Variants in ALK observed in about 807,000 individuals in gnomAD.
ALK encodes the protein ALK receptor tyrosine kinase.
Under a neutral mutation model 163.1 loss-of-function variants are expected in ALK, and 74 were observed. The ratio of observed to expected loss-of-function variants is 0.45; its 90% CI spans 0.38 to 0.55. The LOEUF (loss-of-function observed/expected upper bound fraction) is 0.55, where lower values mean the gene tolerates loss of function less well. ALK is among the 20% of genes least tolerant of loss of function. The pLI is 0.00. For missense variants in ALK, 2,063 were observed against 2,105.3 expected (o/e 0.98, Z 0.39); for synonymous variants, 960 against 843.2 (o/e 1.14, Z -2.40).
chr2:29,558,895 G>A (rs554773722), intron 3 of ALK, among the ~76,000 whole-genome samples: 1 of 152,176 alleles, frequency 6.6e-6, no homozygotes, highest in South Asian at 2.1e-4. Context: ...GGGACTATAG[G>A]GGTTTAGAAA....
In ALK at chr2:29,728,408, T is replaced by A. The variant is rs189384708; in HGVS notation, c.668-10711A>T. On this transcript the variant is annotated intron_variant, in intron 1 of 28. Coordinates refer to ENST00000389048, the MANE Select transcript of ALK (RefSeq NM_004304.5). ...CGAGCTCTGCCCTTGGCAGTTGGGC[T>A]GCATTCGTGAGCAGAACCCCACACT... Among the ~76,000 whole-genome samples, 98 of 152,388 alleles carry A rather than the reference T, an allele frequency of 6.4e-4. 1 individual carries two copies. The highest frequency in any genetic ancestry group is 5.4e-4 in the Non-Finnish European group (37 of 68,034).
At chr2:29,274,111 G>A (rs950111413) in intron 11 of ALK, among the ~76,000 whole-genome samples, 1 of 152,220 alleles carries the variant, frequency 6.6e-6, no homozygotes, top group African/African-American at 2.4e-5. Flanking sequence ...AGGGGTGACG[G>A]TTAGCCCTGG....
intron 24 of ALK, among the ~76,000 whole-genome samples, chr2:29,210,903 T>C (rs1449466498): frequency 6.6e-6 from 1 of 152,152 alleles, no homozygotes; most frequent in Non-Finnish European, 1.5e-5. Context: ...CAGCTTCTAC[T>C]CTCTGCTTAC....
At chr2:29,504,700 G>T (rs779485226) in intron 4 of ALK, among the ~76,000 whole-genome samples, 76 of 152,240 alleles carry the variant, frequency 5.0e-4, no homozygotes, top group South Asian at 1.2e-3. Flanking sequence ...ATGGAGAAAT[G>T]AGAGAGACCT....
chr2:29,766,258 G>A (rs1317340485), intron 1 of ALK, among the ~76,000 whole-genome samples: 2 of 152,084 alleles, frequency 1.3e-5, no homozygotes, highest in Non-Finnish European at 2.9e-5. Context: ...TTAAACATCT[G>A]GTATGGATCC....
intron 4 of ALK, among the ~76,000 whole-genome samples, chr2:29,508,025 G>C (rs1382225584): frequency 6.6e-6 from 1 of 152,122 alleles, no homozygotes; most frequent in South Asian, 2.1e-4. Flanking sequence ...CGTGAGTGTG[G>C]TTAGCCTGAG....
intron 23 of ALK, among the ~76,000 whole-genome samples, chr2:29,218,631 C>T (rs973023045): frequency 2.0e-5 from 3 of 152,178 alleles, no homozygotes; most frequent in African/African-American, 7.2e-5. Context: ...CTCCTGCCCC[C>T]GAAGTCCTTG....
intron 1 of ALK, among the ~76,000 whole-genome samples, chr2:29,907,692 C>T (rs1237859809): frequency 6.6e-6 from 1 of 152,170 alleles, no homozygotes; most frequent in Non-Finnish European, 1.5e-5. Context: ...CTGGAAAACT[C>T]ATCTCTTTTT....
intron 6 of ALK, among the ~76,000 whole-genome samples, chr2:29,326,908 C>T (rs533219171): frequency 1.2e-4 from 19 of 152,272 alleles, no homozygotes; most frequent in African/African-American, 4.6e-4. Context: ...GCATTTGCTC[C>T]GGGTCTGGGC....
intron 1 of ALK, among the ~76,000 whole-genome samples, chr2:29,841,622 C>A (rs913032303): frequency 6.6e-6 from 1 of 152,200 alleles, no homozygotes; most frequent in Non-Finnish European, 1.5e-5. Context: ...CTGCTGGGGG[C>A]TGCGCTCCGT....
intron 4 of ALK, among the ~76,000 whole-genome samples, chr2:29,420,617 G>A (rs1276881669): frequency 2.6e-5 from 4 of 151,484 alleles, no homozygotes; most frequent in Admixed American, 1.3e-4. Flanking sequence ...GCATATCTCC[G>A]AAGTCAATCA....
At chr2:29,328,214 T>C in intron 6 of ALK, 136 bp downstream of exon 6, 1 of 1,269,240 alleles carries the variant, frequency 7.9e-7, no homozygotes, top group Non-Finnish European at 1.1e-6. Context: ...ACTGTGTGGC[T>C]TTGCCATGAG....
At chr2:29,446,098 C>CA (rs60360983) in intron 4 of ALK, among the ~76,000 whole-genome samples, 1,995 of 17,208 alleles carry the variant, frequency 0.12, 828 homozygotes, top group Non-Finnish European at 0.18. Flanking sequence ...GACTCCGTCT[C>CA]AAAAAAAAAA....
intron 11 of ALK, among the ~76,000 whole-genome samples, chr2:29,253,965 T>A (rs1664890697): frequency 6.6e-6 from 1 of 152,144 alleles, no homozygotes; most frequent in Admixed American, 6.5e-5. Flanking sequence ...ATAATTCCCA[T>A]GTGTCATGGG....
At chr2:29,515,407 C>T (rs935972471) in intron 4 of ALK, among the ~76,000 whole-genome samples, 87 of 152,174 alleles carry the variant, frequency 5.7e-4, no homozygotes, top group African/African-American at 2.0e-3. Flanking sequence ...TTTTCACCAT[C>T]TAGCTAATTT....
intron 1 of ALK, among the ~76,000 whole-genome samples, chr2:29,839,856 TATA>T (rs1457729555): frequency 3.9e-5 from 6 of 152,158 alleles, no homozygotes; most frequent in African/African-American, 1.2e-4. Flanking sequence ...ATGATAATGA[TATA>T]ATAATAATTG....
chr2:29,601,869 G>A (rs1675388215), intron 3 of ALK, among the ~76,000 whole-genome samples: 1 of 152,086 alleles, frequency 6.6e-6, no homozygotes, highest in Admixed American at 6.5e-5. Flanking sequence ...ATCTGGATTA[G>A]GGGAGATAGA....
At position 29,225,894 on chromosome 2, in the gene ALK, C is replaced by T. The variant is rs34935102; in HGVS notation, c.3068-329G>A. ...GTGGATCTGGAAGAGATGTGGGGGC[C>T]GCAGGTGACCAAACAACAGGGTGCG... is the stretch of plus-strand genomic sequence containing the variant. On this transcript the variant is annotated intron_variant, in intron 18 of 28. Transcript: ENST00000389048. Among the ~76,000 whole-genome samples the T allele has an allele frequency of 0.22, 33,375 of 151,892 alleles. 3,886 individuals carry two copies. The highest frequency in any genetic ancestry group is 0.29 in the Middle Eastern group (86 of 294).
intron 3 of ALK, among the ~76,000 whole-genome samples, chr2:29,660,521 CT>C (rs1677316381): frequency 1.8e-5 from 1 of 55,192 alleles, no homozygotes; most frequent in East Asian, 4.6e-4. Context: ...ACACAATTCC[CT>C]CTTTTTTAAA....
Sources: gnomAD v4.1 joint callset for allele counts (sites outside exome capture counted in the v4.1 genomes callset) on GRCh38, gnomAD v4.1.1 for gene constraint, MANE v1.5 for transcripts, NCBI Gene and HGNC (gene_info 2026-07-23, HGNC 2026-07-21) for gene names.